GLE1: variants seen among roughly 807,000 people sequenced by gnomAD.
GLE1 encodes GLE1 RNA export mediator, also known as mRNA export factor GLE1.
In GLE1, 78 loss-of-function variants were observed where a neutral mutation model predicts 97.3. That is an observed-to-expected ratio of 0.80 (90% CI 0.67 to 0.97). The LOEUF (loss-of-function observed/expected upper bound fraction) is 0.97. Among genes scored for constraint, GLE1 ranks in the 50% least tolerant of loss-of-function variants. The pLI, the probability that GLE1 is intolerant of heterozygous loss-of-function variation, is 0.00. For synonymous variants in GLE1, 302 were observed against 313.4 expected (o/e 0.96, Z 0.39); for missense variants, 753 against 857.5 (o/e 0.88, Z 1.52).
chr9:128,512,490 C>T (rs1340921024), intron 2 of GLE1, among the ~76,000 whole-genome samples: 1 of 152,102 alleles, frequency 6.6e-6, no homozygotes, highest in African/African-American at 2.4e-5. Flanking sequence ...TTGCAACCTT[C>T]TGTGAACATT....
chr9:128,521,565 A>C (rs183635647), intron 3 of GLE1, among the ~76,000 whole-genome samples: 1 of 152,180 alleles, frequency 6.6e-6, no homozygotes, highest in Non-Finnish European at 1.5e-5. Context: ...ATAAAATATA[A>C]TTATGTTTTA....
At chr9:128,517,448 A>G (rs1000536195) in intron 3 of GLE1, among the ~76,000 whole-genome samples, 2 of 152,240 alleles carry the variant, frequency 1.3e-5, no homozygotes, top group Non-Finnish European at 2.9e-5. Context: ...TGTGGTGGGA[A>G]GAGACAGAAG....
chr9:128,539,704 A>T lies in GLE1; in HGVS notation c.1964+6A>T, dbSNP rs1230787647. The T allele has an allele frequency of 6.2e-7, 1 of 1,613,528 alleles. No homozygotes were observed. Among genetic ancestry groups the T allele is most frequent in the Non-Finnish European group, 8.5e-7 (1 of 1,179,540 alleles). ...AAAGAGGACTACTTTCCCAGGTATC[A>T]GGCTTGTTGAGCAGACAGCAGGGGA... is the stretch of plus-strand genomic sequence containing the variant. On this transcript the variant is annotated splice_donor_region_variant and intron_variant, in intron 14 of 15. Transcript: ENST00000309971.
intron 3 of GLE1, among the ~76,000 whole-genome samples, chr9:128,522,080 G>T (rs1324441264): frequency 6.6e-6 from 1 of 152,126 alleles, no homozygotes; most frequent in African/African-American, 2.4e-5. Flanking sequence ...AACCCCATAA[G>T]ACTACACAGG....
intron 9 of GLE1, among the ~76,000 whole-genome samples, chr9:128,531,525 CAAAA>C (rs78169276): frequency 2.2e-5 from 2 of 92,306 alleles, no homozygotes; most frequent in African/African-American, 4.1e-5. Flanking sequence ...GACTTCATCT[CAAAA>C]AAAAAAAAAA....
chr9:128,516,799 A>G (rs564254165), intron 3 of GLE1, among the ~76,000 whole-genome samples: 48 of 147,858 alleles, frequency 3.2e-4, no homozygotes, highest in African/African-American at 1.1e-3. Flanking sequence ...TAATTTTTGT[A>G]TTTTTTAGTA....
intron 3 of GLE1, among the ~76,000 whole-genome samples, chr9:128,521,539 TAAAC>T (rs776276364): frequency 6.6e-5 from 10 of 152,002 alleles, no homozygotes; most frequent in Admixed American, 2.0e-4. Context: ...GTCTCAAAAA[TAAAC>T]AAATAAACAA....
At chr9:128,541,037 C>A in intron 15 of GLE1, 65 bp from the exon 16 acceptor site, 2 of 915,564 alleles carry the variant, frequency 2.2e-6, no homozygotes, top group African/African-American at 1.6e-5. Flanking sequence ...CTTCTTTTAA[C>A]CATTAAGTGT....
rs192522047 is a variant in GLE1, at chr9:128,520,468, A to G, written c.433-2200A>G. 6.0e-5 allele frequency among the ~76,000 whole-genome samples: 9 copies of G among 149,866 alleles called. No individual in the cohort carries two copies. The Admixed American group carries it at 6.0e-4, about 10-fold the overall frequency. ...TATATATAAAAAATACAATAAAATC[A>G]TTATAGCACAAATGCTTGGCTCTTG... On this transcript the variant is annotated intron_variant, in intron 3 of 15. Coordinates refer to ENST00000309971, the MANE Select transcript of GLE1 (RefSeq NM_001003722.2).
intron 6 of GLE1, among the ~76,000 whole-genome samples, chr9:128,524,846 T>G (rs1274099044): frequency 1.3e-5 from 2 of 152,004 alleles, no homozygotes. Context: ...GACCGAGATC[T>G]TGCCACTGCA....
Position 128,533,895 on chromosome 9 carries a change from C to T in GLE1, c.1590C>T (p.Tyr530=). ...CTCATCTACATAAGAAGTGTCCTTA[C>T]TCTGTTCCTTTCTATCCCACTTTCA... The part of the protein sequence containing the change: ...ILAHLHKKCP[Y]SVPFYPTFKE... Residue 530 remains tyrosine (Y), a synonymous_variant, in exon 11 of 16, where the codon TAC becomes TAT. Coordinates refer to ENST00000309971, the MANE Select transcript of GLE1 (RefSeq NM_001003722.2). 3.1e-6 allele frequency: 5 copies of T among 1,613,566 alleles called. No individual in the cohort carries two copies. The highest frequency in any genetic ancestry group is 1.1e-5 in the South Asian group (1 of 91,062).
intron 2 of GLE1, among the ~76,000 whole-genome samples, chr9:128,512,242 G>T (rs1846846963): frequency 6.6e-6 from 1 of 152,178 alleles, no homozygotes; most frequent in African/African-American, 2.4e-5. Context: ...GGTTGGTGGT[G>T]ATAGAACAGC....
At chr9:128,528,932 A>AGT (rs1008132878) in intron 9 of GLE1, 1 of 152,090 alleles carries the variant, frequency 6.6e-6, no homozygotes, top group Non-Finnish European at 1.5e-5. Flanking sequence ...GTGGCTGGGG[A>AGT]GTGTGTGTGC....
At chr9:128,522,176 A>G (rs1221431979) in intron 3 of GLE1, among the ~76,000 whole-genome samples, 2 of 152,260 alleles carry the variant, frequency 1.3e-5, no homozygotes, top group Non-Finnish European at 2.9e-5. Flanking sequence ...GACATAAACC[A>G]TATGGGGCAA....
intron 15 of GLE1, chr9:128,540,886 G>T (rs1847865723): frequency 1.7e-6 from 1 of 576,082 alleles, no homozygotes; most frequent in Admixed American, 3.0e-5. Flanking sequence ...ACAAGAGTGG[G>T]ACAGGAATAA....
At chr9:128,519,194 G>A (rs1469301583) in intron 3 of GLE1, among the ~76,000 whole-genome samples, 2 of 152,130 alleles carry the variant, frequency 1.3e-5, no homozygotes, top group African/African-American at 4.8e-5. Context: ...TGCACAAATT[G>A]TAGAGCATGT....
intron 9 of GLE1, among the ~76,000 whole-genome samples, chr9:128,530,450 T>C (rs1396224936): frequency 6.6e-6 from 1 of 152,152 alleles, no homozygotes; most frequent in Non-Finnish European, 1.5e-5. Context: ...GTCTATATCT[T>C]TGCCTTTTTT....
Position 128,533,640 on chromosome 9 carries a change from G to A in GLE1, c.1440G>A (p.Leu480=). 5 of 1,614,102 alleles carry A rather than the reference G, an allele frequency of 3.1e-6. No individual in the cohort carries two copies. The highest frequency in any genetic ancestry group is 1.7e-5 in the Admixed American group (1 of 60,006). ...PQGLDFVQYK[L]AEKFVKQGEE... ...GGCTGGACTTTGTTCAATACAAACT[G>A]GCAGAGAAATTTGTGGTGAGAAACC... is the stretch of plus-strand genomic sequence containing the variant. Residue 480 remains leucine (L), a synonymous_variant, in exon 10 of 16, where the codon CTG becomes CTA. Transcript: ENST00000309971.
intron 2 of GLE1, among the ~76,000 whole-genome samples, chr9:128,513,069 G>T (rs976118571): frequency 1.3e-5 from 2 of 152,064 alleles, no homozygotes; most frequent in Non-Finnish European, 2.9e-5. Flanking sequence ...TGGTATTTAC[G>T]TAAGAAAAAC....
Sources: allele counts gnomAD v4.1 joint callset (sites outside exome capture counted in the v4.1 genomes callset), GRCh38; gene constraint gnomAD v4.1.1; transcripts MANE v1.5; gene names NCBI Gene and HGNC (gene_info 2026-07-23, HGNC 2026-07-21).